The following EIF1 variants were observed in gnomAD, a reference collection of about 807,000 sequenced individuals.
EIF1 encodes eukaryotic translation initiation factor 1, also known as protein translation factor SUI1 homolog.
In EIF1, 4 loss-of-function variants were observed where a neutral mutation model predicts 13.7. That is an observed-to-expected ratio of 0.29 (90% CI 0.14 to 0.67). The LOEUF (loss-of-function observed/expected upper bound fraction) is 0.67, where lower values mean the gene tolerates loss of function less well. Ranked by LOEUF, EIF1 falls within the 30% of genes least tolerant of loss-of-function variation. EIF1 has a pLI of 0.77. For synonymous variants in EIF1, 67 were observed against 50.7 expected, an observed-to-expected ratio of 1.32 and a Z score of -1.37; for missense variants, 64 against 138.0, an observed-to-expected ratio of 0.46 and a Z score of 2.69.
chr17:41,688,932 AG>A lies in EIF1; in HGVS notation c.-106del. 8.6e-7 allele frequency: 1 copy of A among 1,158,762 alleles called. No individual in the cohort carries two copies. The highest frequency in any genetic ancestry group is 1.3e-6 in the Non-Finnish European group (1 of 793,674). The allele number at this position is 1,158,762 out of a possible 1,614,324, so 71.8% of individuals were successfully genotyped here. On this transcript the variant is annotated 5_prime_UTR_variant, in exon 1 of 4. Coordinates refer to ENST00000469257, the MANE Select transcript of EIF1 (RefSeq NM_005801.4). ...CGAGGATTCAGCAGCCTCCCCCTTGAGCCCCCTCGCTTCCCGACGTTCCGTT... is the reference window on the plus strand; with the variant it reads ...CGAGGATTCAGCAGCCTCCCCCTTGACCCCCTCGCTTCCCGACGTTCCGTT...
Position 41,691,204 on chromosome 17 carries a change from G to A in EIF1, c.*378G>A, listed in dbSNP as rs1390936718. ...GAATGTTACCACCTGAACAGTCCTC[G>A]GTGAATCTGAGAGGAGAGGATGGGG... On this transcript the variant is annotated 3_prime_UTR_variant, in exon 4 of 4. Coordinates refer to ENST00000469257, the MANE Select transcript of EIF1 (RefSeq NM_005801.4). 2 of 402,334 alleles carry A rather than the reference G, an allele frequency of 5.0e-6. No individual in the cohort carries two copies. Among genetic ancestry groups the A allele is most frequent in the Non-Finnish European group, 8.9e-6 (2 of 225,432 alleles). 24.9% of individuals were successfully genotyped at this position (402,334 alleles called of 1,614,324 possible).
At position 41,690,201 on chromosome 17, in the gene EIF1, C is replaced by A. The variant is rs1435721197; in HGVS notation, c.297+12C>A. ...AGTTCCTCGTAGAGGTGAGTTCAGT[C>A]ACTACTTGATTTGTGCCTCTCTGCT... is the stretch of plus-strand genomic sequence containing the variant. On this transcript the variant is annotated intron_variant, in intron 3 of 3. Coordinates refer to ENST00000469257, the MANE Select transcript of EIF1 (RefSeq NM_005801.4). 2 of 1,603,438 alleles carry A rather than the reference C, an allele frequency of 1.2e-6. No individual in the cohort carries two copies. The highest frequency in any genetic ancestry group is 1.1e-5 in the South Asian group (1 of 90,738).
rs774814551 is a variant in EIF1 at position 41,690,782 on chromosome 17, A to G, written c.298A>G (p.Ile100Val). The change falls in exon 4 of 4, where the codon ATT becomes GTT. Residue 100 changes from isoleucine to valine, a missense_variant and splice_region_variant. Ile to Val is a conservative substitution (Grantham distance 29). Around this residue, in one of 2 missense-constraint regions of EIF1, gnomAD observed 35 missense variants for 103.4 expected, o/e 0.34. Transcript: ENST00000469257. Reference protein sequence around the residue: ...RKNICQFLVEIGLAKDDQLKV... With the variant: ...RKNICQFLVEVGLAKDDQLKV... ...AAACTTTGCCCTTTTGTCTTTTCAG[A>G]TTGGACTGGCTAAGGACGATCAGCT... is the stretch of plus-strand genomic sequence containing the variant. 18 of 1,613,744 alleles carry G rather than the reference A, an allele frequency of 1.1e-5. No individual in the cohort carries two copies. The highest frequency in any genetic ancestry group is 3.3e-5 in the Admixed American group (2 of 59,980).
chr17:41,689,026 G>A lies in EIF1; in HGVS notation c.-13G>A, dbSNP rs1271796276. Reference sequence around the variant, plus strand: ...CGCAGGCCGTTTCCACCGAGGAAAAGGAATCGTATCGTATGTCCGCTATCC... The same window carrying A: ...CGCAGGCCGTTTCCACCGAGGAAAAAGAATCGTATCGTATGTCCGCTATCC... On this transcript the variant is annotated 5_prime_UTR_variant, in exon 1 of 4. Transcript: ENST00000469257. 4 of 1,613,358 alleles carry A rather than the reference G, an allele frequency of 2.5e-6. No individual in the cohort carries two copies. The highest frequency in any genetic ancestry group is 3.4e-6 in the Non-Finnish European group (4 of 1,179,876).
In EIF1 at chr17:41,692,544, A is replaced by T. The variant is rs908961270; in HGVS notation, c.*1718A>T. On this transcript the variant is annotated 3_prime_UTR_variant, in exon 4 of 4. Coordinates refer to ENST00000469257, the MANE Select transcript of EIF1 (RefSeq NM_005801.4). ...ATGAGCCTCACAGCCGTGCTACACA[A>T]TAAGATTATAATACTGTATTTTTAC... is the stretch of plus-strand genomic sequence containing the variant. The T allele has an allele frequency of 2.8e-5, 3 of 108,944 alleles. No individual in the cohort carries two copies. Among genetic ancestry groups the T allele is most frequent in the Non-Finnish European group, 6.3e-5 (3 of 47,730 alleles). The allele number at this position is 108,944 out of a possible 1,614,324, so 6.7% of individuals were successfully genotyped here.
At position 41,692,273 on chromosome 17, in the gene EIF1, G is replaced by A. The variant is rs1241731675; in HGVS notation, c.*1447G>A. The A allele has an allele frequency of 1.3e-5, 2 of 152,236 alleles. No individual in the cohort carries two copies. The highest frequency in any genetic ancestry group is 2.9e-5 in the Non-Finnish European group (2 of 68,044). 9.4% of individuals were successfully genotyped at this position (152,236 alleles called of 1,614,324 possible). A position where few individuals can be genotyped will look rare whatever the true frequency, so the allele number is the denominator to read the frequency against. ...CAAGGGCATTCATGCTGTGGGTTAA[G>A]ATCCACAAATCGCTAGGAATGTGTA... On this transcript the variant is annotated 3_prime_UTR_variant, in exon 4 of 4. Coordinates refer to ENST00000469257, the MANE Select transcript of EIF1 (RefSeq NM_005801.4).
In EIF1 at chr17:41,689,958, AT is replaced by A. The variant is rs1470552663; in HGVS notation, c.195+21del. On this transcript the variant is annotated intron_variant, in intron 2 of 3. Transcript: ENST00000469257. ...TTTAAGAAAGTAGGTCTTCAGTGAG[AT>A]TTTGGGAAAGTCATAATGGATTTGT... 6.2e-7 allele frequency: 1 copy of A among 1,609,900 alleles called. No individual in the cohort carries two copies. Among genetic ancestry groups the A allele is most frequent in the Non-Finnish European group, 8.5e-7 (1 of 1,177,478 alleles).
intron 1 of EIF1, 36 bp from the exon 2 acceptor site, chr17:41,689,742 T>G (rs1013539142): frequency 1.8e-5 from 28 of 1,551,462 alleles, no homozygotes; most frequent in Non-Finnish European, 2.3e-5. Context: ...CATCCTATCT[T>G]TGACAGCTCT....
At chr17:41,690,013 G>A (rs1204883272) in intron 2 of EIF1, 72 bp downstream of exon 2, 3 of 1,611,352 alleles carry the variant, frequency 1.9e-6, no homozygotes, top group Non-Finnish European at 2.5e-6. Context: ...TGTGTTGTAT[G>A]TATTGTTAGC....
chr17:41,689,653 G>A (rs1910313678), intron 1 of EIF1, 125 bp from the exon 2 acceptor site: 4 of 973,708 alleles, frequency 4.1e-6, no homozygotes, highest in Non-Finnish European at 5.9e-6. Flanking sequence ...GGACACATTC[G>A]GCCTGGCCCA....
In EIF1 at chr17:41,688,946, C is replaced by T. The variant is rs548979045; in HGVS notation, c.-93C>T. ...CCTCCCCCTTGAGCCCCCTCGCTTC[C>T]CGACGTTCCGTTCCCCCCTGCCCGC... On this transcript the variant is annotated 5_prime_UTR_variant, in exon 1 of 4. Transcript: ENST00000469257. 7.2e-7 allele frequency: 1 copy of T among 1,380,706 alleles called. No homozygotes were observed. The highest frequency in any genetic ancestry group is 1.4e-5 in the African/African-American group (1 of 70,634). 85.5% of individuals were successfully genotyped at this position (1,380,706 alleles called of 1,614,324 possible).
Position 41,689,923 on chromosome 17 carries a change from A to G in EIF1, c.177A>G (p.Leu59=), listed in dbSNP as rs1910323286. 6.2e-7 allele frequency: 1 copy of G among 1,610,714 alleles called. No individual in the cohort carries two copies. Residue 59 remains leucine, a synonymous_variant, in exon 2 of 4, where the codon CTA becomes CTG. Coordinates refer to ENST00000469257, the MANE Select transcript of EIF1 (RefSeq NM_005801.4). ...GIADDYDKKK[L]VKAFKKKFAC... ...CTGATGATTACGATAAAAAGAAACT[A>G]GTGAAGGCGTTTAAGAAAGTAGGTC...
chr17:41,689,406 G>T (rs1910301188), intron 1 of EIF1: 1 of 516,688 alleles, frequency 1.9e-6, no homozygotes. Flanking sequence ...GGATCCGGAG[G>T]GAAAGGCGGT....
In EIF1 at chr17:41,692,572, T is replaced by A. The variant is rs1910418632; in HGVS notation, c.*1746T>A. ...AGATTATAATACTGTATTTTTACTG[T>A]ACCTTTTAACATTGTGTTACAATGG... On this transcript the variant is annotated 3_prime_UTR_variant, in exon 4 of 4. Transcript: ENST00000469257. The A allele has an allele frequency of 1.3e-5, 2 of 152,350 alleles. No individual in the cohort carries two copies. The highest frequency in any genetic ancestry group is 1.3e-4 in the Admixed American group (2 of 15,302). The allele number at this position is 152,350 out of a possible 1,614,324, so 9.4% of individuals were successfully genotyped here. A position where few individuals can be genotyped will look rare whatever the true frequency, so the allele number is the denominator to read the frequency against.
chr17:41,690,161 G>A lies in EIF1; in HGVS notation c.269G>A (p.Arg90His). ...GTAATTCAGCTACAGGGTGACCAAC[G>A]CAAGAACATATGCCAGTTCCTCGTA... is the stretch of plus-strand genomic sequence containing the variant. The part of the protein sequence containing the change: ...GEVIQLQGDQ[R>H]KNICQFLVEI... Residue 90 changes from arginine to histidine, a missense_variant, in exon 3 of 4, where the codon CGC becomes CAC. Arg to His is a conservative substitution (Grantham distance 29). Around this residue, in one of 2 missense-constraint regions of EIF1, gnomAD observed 35 missense variants for 103.4 expected, o/e 0.34. Coordinates refer to ENST00000469257, the MANE Select transcript of EIF1 (RefSeq NM_005801.4). The A allele has an allele frequency of 1.2e-6, 2 of 1,614,090 alleles. No homozygotes were observed. The highest frequency in any genetic ancestry group is 1.7e-6 in the Non-Finnish European group (2 of 1,180,004).
rs1189873450 is a variant in EIF1 at position 41,691,646 on chromosome 17, A to G, written c.*820A>G. 1 of 152,632 alleles carries G rather than the reference A, an allele frequency of 6.6e-6. No homozygotes were observed. Among genetic ancestry groups the G allele is most frequent in the Non-Finnish European group, 1.5e-5 (1 of 68,044 alleles). 9.5% of individuals were successfully genotyped at this position (152,632 alleles called of 1,614,324 possible). On this transcript the variant is annotated 3_prime_UTR_variant, in exon 4 of 4. Coordinates refer to ENST00000469257, the MANE Select transcript of EIF1 (RefSeq NM_005801.4). ...TTAAATAAAACTTGTTTTCAGAAAT[A>G]CCTGACTTGCAGATTATTTATATAT...
rs1430752010 is a variant in EIF1 at position 41,692,515 on chromosome 17, A to G, written c.*1689A>G. 6.6e-6 allele frequency: 1 copy of G among 150,644 alleles called. No individual in the cohort carries two copies. Among genetic ancestry groups the G allele is most frequent in the Non-Finnish European group, 1.5e-5 (1 of 67,784 alleles). The allele number at this position is 150,644 out of a possible 1,614,324, so 9.3% of individuals were successfully genotyped here. On this transcript the variant is annotated 3_prime_UTR_variant, in exon 4 of 4. Coordinates refer to ENST00000469257, the MANE Select transcript of EIF1 (RefSeq NM_005801.4). ...CGTGCTGCCTAAGGATGCTTCATTCAACAATGAGCCTCACAGCCGTGCTAC... is the reference window on the plus strand; with the variant it reads ...CGTGCTGCCTAAGGATGCTTCATTCGACAATGAGCCTCACAGCCGTGCTAC...
intron 1 of EIF1, 117 bp from the exon 2 acceptor site, chr17:41,689,661 C>G (rs1051186954): frequency 1.8e-6 from 2 of 1,095,798 alleles, no homozygotes; most frequent in Non-Finnish European, 2.6e-6. Flanking sequence ...TCGGCCTGGC[C>G]CAAGCCCTGA....
chr17:41,689,421 G>A (rs764502116), intron 1 of EIF1: 2 of 500,312 alleles, frequency 4.0e-6, no homozygotes, highest in Admixed American at 7.6e-5. Flanking sequence ...GGCGGTGCCA[G>A]CCCTAAGTGG....
Sources: gnomAD v4.1 joint callset for allele counts on GRCh38, gnomAD v4.1.1 for gene constraint, gnomAD v4.1.1 regional missense constraint, MANE v1.5 for transcripts, NCBI Gene and HGNC (gene_info 2026-07-23, HGNC 2026-07-21) for gene names.